FARP1: variants seen among roughly 807,000 people sequenced by gnomAD.
FARP1 encodes FERM, ARH/RhoGEF and pleckstrin domain protein 1, also known as FERM, ARHGEF and pleckstrin domain-containing protein 1.
FARP1 carries 52 observed loss-of-function variants against 128.8 expected under a neutral mutation model. The ratio of observed to expected loss-of-function variants is 0.40; its 90% CI spans 0.32 to 0.51. The LOEUF (loss-of-function observed/expected upper bound fraction) is 0.51, where lower values mean the gene tolerates loss of function less well. FARP1 is among the 20% of genes least tolerant of loss of function. The pLI, the probability that FARP1 is intolerant of heterozygous loss-of-function variation, is 0.45. For synonymous variants in FARP1, 580 were observed against 551.8 expected (o/e 1.05, Z -0.72); for missense variants, 1,333 against 1,367.9 (o/e 0.97, Z 0.40).
Position 98,409,380 on chromosome 13 carries a change from A to C in FARP1, c.1457A>C (p.Asn486Thr). The C allele has an allele frequency of 6.2e-7, 1 of 1,613,940 alleles. No individual in the cohort carries two copies. Among genetic ancestry groups the C allele is most frequent in the African/African-American group, 1.3e-5 (1 of 74,976 alleles). ...CCTCACCTTTCCGAGCTGTCTGTGA[A>C]CTCGCAGGGGGGAGTGGCCCCTGCC... is the stretch of plus-strand genomic sequence containing the variant. The part of the protein sequence containing the change: ...GSPHLSELSV[N>T]SQGGVAPANV... Residue 486 changes from asparagine (N) to threonine (T), a missense_variant, in exon 14 of 27, where the codon AAC (asparagine) becomes ACC (threonine). By Grantham distance (65) the Asn-to-Thr change is moderately conservative. Coordinates refer to ENST00000319562, the MANE Select transcript of FARP1 (RefSeq NM_005766.4).
At chr13:98,167,471 G>A (rs1267923314) in intron 1 of FARP1, among the ~76,000 whole-genome samples, 4 of 148,410 alleles carry the variant, frequency 2.7e-5, no homozygotes, top group Non-Finnish European at 5.9e-5. Context: ...GTGCAGTGGC[G>A]CGATCTCAGC....
chr13:98,377,013 A>G, intron 5 of FARP1, among the ~76,000 whole-genome samples: 1 of 152,026 alleles, frequency 6.6e-6, no homozygotes, highest in Non-Finnish European at 1.5e-5. Flanking sequence ...AATATAAAGA[A>G]AAGAAATGAA....
intron 24 of FARP1, among the ~76,000 whole-genome samples, chr13:98,442,264 G>A (rs1892555446): frequency 6.6e-6 from 1 of 152,218 alleles, no homozygotes. Flanking sequence ...GCTGGCTCTT[G>A]GAACCAACAG....
intron 2 of FARP1, among the ~76,000 whole-genome samples, chr13:98,316,160 G>A (rs1401777174): frequency 6.6e-6 from 1 of 152,160 alleles, no homozygotes; most frequent in Admixed American, 6.5e-5. Flanking sequence ...CCTTGTCTCA[G>A]GAAGGTGCTG....
At position 98,453,107 on chromosome 13, in the gene FARP1, T is replaced by G; in HGVS notation, c.*4790T>G. ...GGAGTCAGCGAAGGCTCTCGTTGAC[T>G]TTTAAAAAAGGAGGAGGATGAAGAA... On this transcript the variant is annotated 3_prime_UTR_variant, in exon 27 of 27. Coordinates refer to ENST00000319562, the MANE Select transcript of FARP1 (RefSeq NM_005766.4). 1 of 1,594,772 alleles carries G rather than the reference T, an allele frequency of 6.3e-7. No individual in the cohort carries two copies. Among genetic ancestry groups the G allele is most frequent in the Non-Finnish European group, 8.6e-7 (1 of 1,165,732 alleles).
intron 16 of FARP1, 85 bp downstream of exon 16, chr13:98,412,119 C>T (rs1891216005): frequency 1.5e-6 from 2 of 1,371,840 alleles, no homozygotes; most frequent in South Asian, 2.6e-5. Flanking sequence ...AGGCAGCAGG[C>T]AGGAACAAAG....
At chr13:98,317,460 G>C (rs1886770396) in intron 2 of FARP1, among the ~76,000 whole-genome samples, 1 of 152,138 alleles carries the variant, frequency 6.6e-6, no homozygotes, top group Admixed American at 6.6e-5. Flanking sequence ...TCCTTGTTTT[G>C]AACCGGAGGC....
chr13:98,316,034 C>T (rs1350982836), intron 2 of FARP1, among the ~76,000 whole-genome samples: 4 of 152,142 alleles, frequency 2.6e-5, no homozygotes, highest in Non-Finnish European at 4.4e-5. Context: ...CCGGGGAATG[C>T]GGAGGAATCT....
intron 7 of FARP1, 95 bp downstream of exon 7, chr13:98,384,939 A>T (rs182492865): frequency 1.3e-6 from 1 of 745,584 alleles, no homozygotes; most frequent in Admixed American, 2.0e-5. Flanking sequence ...CACACAAACT[A>T]TTGTGGAGAA....
chr13:98,267,524 A>G (rs565735908), intron 2 of FARP1, among the ~76,000 whole-genome samples: 8 of 152,268 alleles, frequency 5.3e-5, no homozygotes, highest in African/African-American at 1.7e-4. Context: ...CTCTCGGCCT[A>G]TGGAGGGCTG....
chr13:98,400,658 T>A (rs1220606645), intron 13 of FARP1: 1 of 152,242 alleles, frequency 6.6e-6, no homozygotes, highest in South Asian at 2.1e-4. Context: ...TTATTCTGAT[T>A]AGCTAGATTT....
intron 2 of FARP1, among the ~76,000 whole-genome samples, chr13:98,225,280 C>A (rs1443263426): frequency 1.3e-5 from 2 of 152,190 alleles, no homozygotes; most frequent in African/African-American, 4.8e-5. Flanking sequence ...GACTTGATTT[C>A]AGTTGCATTT....
chr13:98,416,954 C>T (rs534654607), intron 16 of FARP1, among the ~76,000 whole-genome samples: 16 of 152,232 alleles, frequency 1.1e-4, no homozygotes, highest in Non-Finnish European at 2.4e-4. Context: ...GAAACTTTGG[C>T]CAGAGTCACG....
chr13:98,326,970 T>C (rs1049161885), intron 2 of FARP1, among the ~76,000 whole-genome samples: 51 of 152,224 alleles, frequency 3.4e-4, no homozygotes, highest in Non-Finnish European at 1.5e-4. Context: ...TGTTATTGTT[T>C]ATAAATGTGG....
intron 1 of FARP1, among the ~76,000 whole-genome samples, chr13:98,186,479 G>GA (rs1402757635): frequency 2.0e-5 from 3 of 152,146 alleles, no homozygotes; most frequent in African/African-American, 7.2e-5. Flanking sequence ...CTGTCTGTCT[G>GA]AATTTCCCTG....
chr13:98,357,480 A>T (rs1459984121), intron 3 of FARP1, among the ~76,000 whole-genome samples: 1 of 152,108 alleles, frequency 6.6e-6, no homozygotes, highest in Non-Finnish European at 1.5e-5. Context: ...TTCTATTGTT[A>T]GGTCTTCAAG....
intron 2 of FARP1, among the ~76,000 whole-genome samples, chr13:98,225,707 T>C (rs539118743): frequency 7.9e-5 from 12 of 152,350 alleles, no homozygotes; most frequent in African/African-American, 2.9e-4. Context: ...CCAACAGCCC[T>C]CCGGCGTCCT....
Position 98,409,404 on chromosome 13 carries a change from C to T in FARP1, c.1481C>T (p.Ala494Val), listed in dbSNP as rs537423484. The change falls in exon 14 of 27, where the codon GCC (alanine) becomes GTC (valine). Residue 494 changes from alanine to valine, a missense_variant. Physicochemically the swap from Ala to Val is moderately conservative, Grantham distance 64. Transcript: ENST00000319562. ...AACTCGCAGGGGGGAGTGGCCCCTGCCAACGTGACCTTGTCTCCCAACCTG... is the reference window on the plus strand; with the variant it reads ...AACTCGCAGGGGGGAGTGGCCCCTGTCAACGTGACCTTGTCTCCCAACCTG... Reference protein sequence around the residue: ...SVNSQGGVAPANVTLSPNLSP... With the variant: ...SVNSQGGVAPVNVTLSPNLSP... 2.2e-5 allele frequency: 36 copies of T among 1,614,010 alleles called. No homozygotes were observed. In the African/African-American group the frequency reaches 3.6e-4, roughly 16 times the overall value.
In FARP1 at chr13:98,341,495, G is replaced by A. The variant is rs373610462; in HGVS notation, c.172-2267G>A. ...AAAAATACAAAAATTAGCTGGGCGT[G>A]GTGGCGGGCGCCTGTAATCCCAGCT... On this transcript the variant is annotated intron_variant, in intron 2 of 26. Transcript: ENST00000319562. Among the ~76,000 whole-genome samples, 27 of 152,234 alleles carry A rather than the reference G, an allele frequency of 1.8e-4. No homozygotes were observed. In the East Asian group the frequency reaches 4.2e-3, roughly 24 times the overall value.
Sources: allele counts gnomAD v4.1 joint callset (sites outside exome capture counted in the v4.1 genomes callset), GRCh38; gene constraint gnomAD v4.1.1; transcripts MANE v1.5; gene names NCBI Gene and HGNC (gene_info 2026-07-23, HGNC 2026-07-21).